Variants in DST observed in about 807,000 individuals in gnomAD.
DST encodes bullous pemphigoid antigen.
DST carries 253 observed loss-of-function variants against 875.2 expected under a neutral mutation model. The observed-to-expected ratio is 0.29, with a 90% CI of 0.26 to 0.32. The LOEUF is 0.32. DST is among the 10% of genes least tolerant of loss of function. The probability of loss-of-function intolerance (pLI) is 1.00; values close to 1 mark genes in which losing one functional copy is unlikely to be tolerated. For synonymous variants in DST, 3,124 were observed against 3,197.1 expected (o/e 0.98, Z 0.77); for missense variants, 8,287 against 9,111.6 (o/e 0.91, Z 3.68).
chr6:56,572,515 G>A (rs1469162686), intron 52 of DST, among the ~76,000 whole-genome samples: 1 of 152,132 alleles, frequency 6.6e-6, no homozygotes, highest in African/African-American at 2.4e-5. Context: ...TACGTAAGAT[G>A]ATACTTATAC....
At chr6:56,824,736 C>T (rs1358256826) in intron 4 of DST, among the ~76,000 whole-genome samples, 2 of 151,806 alleles carry the variant, frequency 1.3e-5, no homozygotes, top group Non-Finnish European at 2.9e-5. Flanking sequence ...CTGGCAACCA[C>T]CCCGTCTGAG....
chr6:56,823,237 T>C (rs2099775264), intron 4 of DST, among the ~76,000 whole-genome samples: 2 of 152,168 alleles, frequency 1.3e-5, no homozygotes, highest in South Asian at 4.1e-4. Context: ...AAAGGCACAC[T>C]CCTATTCTGA....
chr6:56,600,173 A>T lies in DST; in HGVS notation c.11590T>A (p.Cys3864Ser). The T allele has an allele frequency of 1.2e-6, 2 of 1,613,044 alleles. No individual in the cohort carries two copies. Among genetic ancestry groups the T allele is most frequent in the Non-Finnish European group, 1.7e-6 (2 of 1,179,214 alleles). ...TTTTCAGTTTGGGTAAGAAGATCAC[A>T]TATCCCTTGGAGTTTCTCTTTATAC... The part of the protein sequence containing the change: ...QEYKEKLQGI[C>S]DLLTQTENRL... The change falls in exon 45 of 104, where the codon TGT becomes AGT. Residue 3864 changes from cysteine (C) to serine (S), a missense_variant. Coordinates refer to ENST00000680361, the MANE Select transcript of DST (RefSeq NM_001374736.1).
At chr6:56,825,343 C>T (rs867657963) in intron 4 of DST, among the ~76,000 whole-genome samples, 1 of 148,000 alleles carries the variant, frequency 6.8e-6, no homozygotes, top group African/African-American at 2.5e-5. Flanking sequence ...TCTCAAGTAC[C>T]CAGGGACACA....
At chr6:56,760,397 A>C (rs2099614465) in intron 4 of DST, among the ~76,000 whole-genome samples, 2 of 152,162 alleles carry the variant, frequency 1.3e-5, no homozygotes, top group Non-Finnish European at 2.9e-5. Flanking sequence ...ATGTCTCTCC[A>C]TGTGTATCAG....
intron 4 of DST, among the ~76,000 whole-genome samples, chr6:56,838,595 CCTTCTTTTT>C (rs1256145555): frequency 1.4e-4 from 21 of 152,104 alleles, no homozygotes; most frequent in Admixed American, 1.4e-3. Flanking sequence ...AAAGCATAAG[CCTTCTTTTT>C]AAAGTCTCTG....
At chr6:56,622,302 G>A (rs2098696826) in intron 36 of DST, among the ~76,000 whole-genome samples, 1 of 152,122 alleles carries the variant, frequency 6.6e-6, no homozygotes, top group African/African-American at 2.4e-5. Flanking sequence ...TGGGCACGGT[G>A]GCTCATGCCT....
chr6:56,687,114 G>A (rs1319056719), intron 9 of DST, among the ~76,000 whole-genome samples: 2 of 152,160 alleles, frequency 1.3e-5, no homozygotes, highest in Non-Finnish European at 2.9e-5. Context: ...ACACACAGTG[G>A]ATGTAGAAAT....
intron 36 of DST, 71 bp from the exon 37 acceptor site, chr6:56,614,555 T>G: frequency 7.2e-7 from 1 of 1,389,542 alleles, no homozygotes; most frequent in Non-Finnish European, 9.3e-7. Context: ...GACCTCTCCA[T>G]AGCAAACAAG....
chr6:56,711,884 G>A (rs572357891), intron 5 of DST, among the ~76,000 whole-genome samples: 147 of 152,004 alleles, frequency 9.7e-4, no homozygotes, highest in Admixed American at 1.8e-3. Context: ...GAGGTCAGGA[G>A]ATCGAGACCA....
intron 50 of DST, among the ~76,000 whole-genome samples, chr6:56,576,080 G>A (rs924592898): frequency 6.6e-6 from 1 of 152,136 alleles, no homozygotes; most frequent in Admixed American, 6.6e-5. Context: ...GGCCAATGAT[G>A]TAATCAATCA....
chr6:56,671,296 A>G (rs1017554780), intron 9 of DST, among the ~76,000 whole-genome samples: 1 of 152,220 alleles, frequency 6.6e-6, no homozygotes, highest in Non-Finnish European at 1.5e-5. Context: ...GTGTTTTCCA[A>G]GTTCAAGTAG....
chr6:56,744,652 C>T (rs2099566516), intron 4 of DST, among the ~76,000 whole-genome samples: 1 of 152,140 alleles, frequency 6.6e-6, no homozygotes, highest in African/African-American at 2.4e-5. Flanking sequence ...ATCAAAGAGG[C>T]TGCACATCAC....
rs1348477527 is a variant in DST, at chr6:56,509,822, G to A, written c.18832C>T (p.Arg6278Cys). The A allele has an allele frequency of 3.1e-6, 5 of 1,613,490 alleles. No individual in the cohort carries two copies. In the South Asian group the frequency reaches 3.3e-5, roughly 11 times the overall value. ...ILESLERIVE[R>C]LRQPPSISAE... ...GAGATAGAGGGTGGCTGCCTCAGACGTTCCACGATGCGTTCCAGGCTCTCA... is the reference window on the plus strand; with the variant it reads ...GAGATAGAGGGTGGCTGCCTCAGACATTCCACGATGCGTTCCAGGCTCTCA... The change falls in exon 74 of 104, where the codon CGT (arginine) becomes TGT (cysteine). Residue 6278 changes from arginine to cysteine, a missense_variant. This residue lies in a region of DST where 1,292 missense variants were observed against 1,552.7 expected (regional missense o/e 0.83). Transcript: ENST00000680361.
chr6:56,667,356 C>T (rs2152822215), intron 10 of DST, among the ~76,000 whole-genome samples: 1 of 152,264 alleles, frequency 6.6e-6, no homozygotes, highest in African/African-American at 2.4e-5. Context: ...CAATTCAACT[C>T]TCTTCATTTA....
At chr6:56,651,949 T>C (rs951853351) in intron 10 of DST, among the ~76,000 whole-genome samples, 6 of 152,222 alleles carry the variant, frequency 3.9e-5, no homozygotes, top group Admixed American at 1.3e-4. Context: ...ATTTTATCCT[T>C]CTGCTGTAAT....
At chr6:56,746,336 C>G (rs1169028729) in intron 4 of DST, among the ~76,000 whole-genome samples, 2 of 152,138 alleles carry the variant, frequency 1.3e-5, no homozygotes, top group African/African-American at 4.8e-5. Flanking sequence ...AACTTAAAAT[C>G]CATATACTTT....
chr6:56,915,939 ACAC>A (rs1244576438), intron 2 of DST, among the ~76,000 whole-genome samples: 4 of 152,236 alleles, frequency 2.6e-5, no homozygotes, highest in African/African-American at 9.6e-5. Context: ...TGTAATCCTA[ACAC>A]CTTCTTTGAG....
chr6:56,683,394 A>G (rs961032282), intron 9 of DST, among the ~76,000 whole-genome samples: 4 of 152,180 alleles, frequency 2.6e-5, no homozygotes, highest in African/African-American at 9.7e-5. Flanking sequence ...CTCATTCCCA[A>G]AATGGTGTGT....
Sources: allele counts gnomAD v4.1 joint callset (sites outside exome capture counted in the v4.1 genomes callset), GRCh38; gene constraint gnomAD v4.1.1; regional missense constraint gnomAD v4.1.1; transcripts MANE v1.5; gene names NCBI Gene and HGNC (gene_info 2026-07-23, HGNC 2026-07-21).